The following HEATR4 variants were observed in gnomAD, a reference collection of about 807,000 sequenced individuals.
The protein encoded by HEATR4 is HEAT repeat containing 4.
Under a neutral mutation model 108.8 loss-of-function variants are expected in HEATR4, and 95 were observed. The ratio of observed to expected loss-of-function variants is 0.87; its 90% confidence interval spans 0.74 to 1.04. HEATR4 has a LOEUF of 1.04. Among genes scored for constraint, HEATR4 ranks in the 50% least tolerant of loss-of-function variants. The pLI, the probability that HEATR4 is intolerant of heterozygous loss-of-function variation, is 0.00. For synonymous variants in HEATR4, 443 were observed against 459.4 expected (o/e 0.96, Z 0.46); for missense variants, 1,152 against 1,253.8 (o/e 0.92, Z 1.23).
chr14:73,612,768 C>A, the HEATR4 span: 6 of 1,371,714 alleles, frequency 4.4e-6, no homozygotes, highest in Non-Finnish European at 5.6e-6. Flanking sequence ...GAGCGCGCGC[C>A]CGCGCTGGGA....
chr14:73,608,782 A>G, the HEATR4 span, among the ~76,000 whole-genome samples: 1 of 152,284 alleles, frequency 6.6e-6, no homozygotes, highest in African/African-American at 2.4e-5. Context: ...AGATGGGATA[A>G]TTTACGAAGG....
At chr14:73,595,706 A>C in the HEATR4 span, 1 of 1,498,502 alleles carries the variant, frequency 6.7e-7, no homozygotes, top group Non-Finnish European at 8.9e-7. Flanking sequence ...TCTAGTGTTC[A>C]GTAACCCTAT....
chr14:73,573,759 ACT>A, the HEATR4 span, among the ~76,000 whole-genome samples: 1 of 151,188 alleles, frequency 6.6e-6, no homozygotes. Context: ...ATGGAGTCTC[ACT>A]CTGTTGCCAG....
chr14:73,584,026 A>G, the HEATR4 span, among the ~76,000 whole-genome samples: 19 of 151,874 alleles, frequency 1.3e-4, no homozygotes, highest in Non-Finnish European at 2.1e-4. Flanking sequence ...CAAAATGGCT[A>G]TGTATGACCT....
chr14:73,610,303 T>TG, the HEATR4 span, among the ~76,000 whole-genome samples: 4 of 151,468 alleles, frequency 2.6e-5, no homozygotes, highest in Non-Finnish European at 5.9e-5. Context: ...TTTTTTTTTT[T>TG]TCTTTTAGAG....
chr14:73,496,869 A>C (rs1299549420), intron 14 of HEATR4, among the ~76,000 whole-genome samples, 190 bp from the exon 15 acceptor site: 2 of 152,110 alleles, frequency 1.3e-5, no homozygotes, highest in Non-Finnish European at 2.9e-5. Context: ...TTTTTGAGAC[A>C]ATATATTTGT....
the HEATR4 span, among the ~76,000 whole-genome samples, chr14:73,588,204 T>C: frequency 1.3e-5 from 2 of 152,264 alleles, no homozygotes; most frequent in South Asian, 4.2e-4. Flanking sequence ...TTCACCATCT[T>C]GGCCAGGCTA....
At chr14:73,507,804 G>T (rs762292697) in intron 9 of HEATR4, among the ~76,000 whole-genome samples, 3 of 152,172 alleles carry the variant, frequency 2.0e-5, no homozygotes, top group African/African-American at 4.8e-5. Context: ...GTGTAGTGGC[G>T]TGATCTCAGC....
rs1458203462 is a variant in HEATR4, at chr14:73,522,191, CG to C, written c.881+80del. ...TTGATGGGAGAGTGCATTCTGAAAT[CG>C]GGAGTGTGAGTCCACCTGGGAGTCC... On this transcript the variant is annotated intron_variant, in intron 3 of 17. Transcript: ENST00000553558. The C allele has an allele frequency of 1.4e-5, 20 of 1,412,894 alleles. No homozygotes were observed. The African/African-American group carries it at 2.4e-4, about 17-fold the overall frequency. The allele number at this position is 1,412,894 out of a possible 1,614,324, so 87.5% of individuals were successfully genotyped here.
At chr14:73,510,555 C>G (rs1566832854) in intron 7 of HEATR4, among the ~76,000 whole-genome samples, 1 of 152,120 alleles carries the variant, frequency 6.6e-6, no homozygotes, top group Non-Finnish European at 1.5e-5. Context: ...TCTGCCTCAG[C>G]CTTCCGAGTA....
the HEATR4 span, among the ~76,000 whole-genome samples, chr14:73,627,244 T>C: frequency 2.0e-5 from 3 of 151,924 alleles, no homozygotes; most frequent in Non-Finnish European, 4.4e-5. Flanking sequence ...CACAGAATAC[T>C]TCTGTGACCA....
the HEATR4 span, chr14:73,617,144 T>C: frequency 6.2e-7 from 1 of 1,614,016 alleles, no homozygotes; most frequent in Non-Finnish European, 8.5e-7. Flanking sequence ...ATGATGTACA[T>C]CTGGAGTACT....
chr14:73,527,485 C>T (rs888275231), intron 2 of HEATR4: 1 of 151,622 alleles, frequency 6.6e-6, no homozygotes, highest in African/African-American at 2.4e-5. Flanking sequence ...AGAAAGGCTG[C>T]TCTGCCTATG....
chr14:73,537,518 A>T (rs537348535), intron 1 of HEATR4: 1 of 1,212,542 alleles, frequency 8.2e-7, no homozygotes, highest in African/African-American at 1.6e-5. Flanking sequence ...GCAGCCGGTC[A>T]CGCTGCGCGC....
the HEATR4 span, among the ~76,000 whole-genome samples, chr14:73,616,364 C>T: frequency 5.9e-5 from 9 of 151,702 alleles, no homozygotes; most frequent in Non-Finnish European, 8.8e-5. Flanking sequence ...GTCACCCAGG[C>T]TGGAGTGCAG....
At chr14:73,479,855 G>A (rs1489391483) in intron 17 of HEATR4, among the ~76,000 whole-genome samples, 4 of 152,056 alleles carry the variant, frequency 2.6e-5, no homozygotes, top group African/African-American at 7.2e-5. Context: ...GATTACAGGC[G>A]TGAGCCACCA....
chr14:73,486,137 A>C (rs1349910605), intron 17 of HEATR4, among the ~76,000 whole-genome samples: 1 of 152,140 alleles, frequency 6.6e-6, no homozygotes, highest in African/African-American at 2.4e-5. Context: ...TCCTGGTACT[A>C]TTGACATTTG....
the HEATR4 span, among the ~76,000 whole-genome samples, chr14:73,584,030 A>G: frequency 2.0e-5 from 3 of 151,888 alleles, no homozygotes; most frequent in Non-Finnish European, 4.4e-5. Context: ...ATGGCTATGT[A>G]TGACCTTTCC....
chr14:73,592,172 C>G, the HEATR4 span: 1 of 1,604,646 alleles, frequency 6.2e-7, no homozygotes, highest in Non-Finnish European at 8.5e-7. Flanking sequence ...TGGGCGGCAG[C>G]TTCGCGGGAC....
Sources: allele counts gnomAD v4.1 joint callset (sites outside exome capture counted in the v4.1 genomes callset), GRCh38; gene constraint gnomAD v4.1.1; transcripts MANE v1.5; gene names NCBI Gene and HGNC (gene_info 2026-07-23, HGNC 2026-07-21).